Variants in ZBTB48 observed in about 807,000 individuals in gnomAD.
ZBTB48 encodes the protein zinc finger and BTB domain-containing protein 48.
A neutral mutation model predicts 64.5 loss-of-function variants in ZBTB48; 35 were observed. The observed-to-expected ratio is 0.54, with a 90% CI of 0.41 to 0.72. The LOEUF is 0.72. Among genes scored for constraint, ZBTB48 ranks in the 30% least tolerant of loss-of-function variants. The pLI is 0.00. For missense variants in ZBTB48, 828 were observed against 895.3 expected (o/e 0.92, Z 0.96); for synonymous variants, 442 against 356.7 (o/e 1.24, Z -2.70).
chr1:6,581,104 G>C lies in ZBTB48; in HGVS notation c.495G>C (p.Glu165Asp), dbSNP rs762409450. The change falls in exon 2 of 11, where the codon GAG (glutamate) becomes GAC (aspartate). Residue 165 changes from glutamate (E) to aspartate (D), a missense_variant. By Grantham distance (45) the Glu-to-Asp change is conservative. Coordinates refer to ENST00000377674, the MANE Select transcript of ZBTB48 (RefSeq NM_005341.4). ...TGGGTCTAGTCCCCAGGGATCAGGA[G>C]CCCAGAGGCAGTCATAGTCCTCAGA... Reference protein sequence around the residue: ...RTLGLVPRDQEPRGSHSPQRP... With the variant: ...RTLGLVPRDQDPRGSHSPQRP... The C allele has an allele frequency of 2.5e-6, 4 of 1,613,036 alleles. No individual in the cohort carries two copies. The Admixed American group carries it at 6.7e-5, about 27-fold the overall frequency.
chr1:6,588,059 G>A lies in ZBTB48; in HGVS notation c.1380-1G>A. 1 of 1,614,050 alleles carries A rather than the reference G, an allele frequency of 6.2e-7. No homozygotes were observed. The highest frequency in any genetic ancestry group is 8.5e-7 in the Non-Finnish European group (1 of 1,180,020). On this transcript the variant is annotated splice_acceptor_variant, in intron 7 of 10. Transcript: ENST00000377674. LOFTEE classifies it high-confidence loss of function. ...TCTGCCCCATGTCCCCACCTTAACA[G>A]GAATGAGAGGCCACACGTATGTGAG... is the stretch of plus-strand genomic sequence containing the variant.
chr1:6,584,178 T>C lies in ZBTB48; in HGVS notation c.933-1741T>C, dbSNP rs1243905880. Among the ~76,000 whole-genome samples, 1 of 152,172 alleles carries C rather than the reference T, an allele frequency of 6.6e-6. No individual in the cohort carries two copies. Among genetic ancestry groups the C allele is most frequent in the African/African-American group, 2.4e-5 (1 of 41,456 alleles). ...ATCCACCTGCCTTAGCTTCCCAAAGTGCTGGGATTACAGGCGAGAGCCACC... is the reference window on the plus strand; with the variant it reads ...ATCCACCTGCCTTAGCTTCCCAAAGCGCTGGGATTACAGGCGAGAGCCACC... On this transcript the variant is annotated intron_variant, in intron 3 of 10. Coordinates refer to ENST00000377674, the MANE Select transcript of ZBTB48 (RefSeq NM_005341.4). The surrounding 1 kb of genome is among the most constrained non-coding windows in gnomAD (Gnocchi z 4.5).
chr1:6,580,504 T>C lies in ZBTB48; in HGVS notation c.-69-37T>C. On this transcript the variant is annotated intron_variant, in intron 1 of 10. Transcript: ENST00000377674. This position sits in a 1 kb window ranked among gnomAD's most constrained non-coding sequence, Gnocchi z 5.2. ...GTGCTGATAAATATGATTATTTGAG[T>C]AGAGGCCAACTTCCCGTTTCTCTCT... 1 of 1,196,130 alleles carries C rather than the reference T, an allele frequency of 8.4e-7. No homozygotes were observed. The highest frequency in any genetic ancestry group is 1.2e-6 in the Non-Finnish European group (1 of 855,614). 74.1% of individuals were successfully genotyped at this position (1,196,130 alleles called of 1,614,324 possible). A position where few individuals can be genotyped will look rare whatever the true frequency, so the allele number is the denominator to read the frequency against.
intron 5 of ZBTB48, 124 bp downstream of exon 5, chr1:6,586,911 TGCCTTCC>T (rs752070897): frequency 2.7e-5 from 29 of 1,064,098 alleles, no homozygotes; most frequent in Middle Eastern, 2.0e-4. Context: ...CTGCCTTCCC[TGCCTTCC>T]CTGCCTTTCC....
At chr1:6,586,808 A>C (rs769949169) in intron 5 of ZBTB48, 21 bp downstream of exon 5, 15 of 1,604,678 alleles carry the variant, frequency 9.3e-6, no homozygotes, top group Non-Finnish European at 1.3e-5. Flanking sequence ...GCCTGTCTCC[A>C]GGGCCAGGGT....
Position 6,581,245 on chromosome 1 carries a change from G to A in ZBTB48, c.636G>A (p.Val212=). The A allele has an allele frequency of 1.9e-6, 3 of 1,611,968 alleles. No individual in the cohort carries two copies. Among genetic ancestry groups the A allele is most frequent in the Non-Finnish European group, 2.5e-6 (3 of 1,179,616 alleles). The change falls in exon 2 of 11, where the codon GTG becomes GTA. Residue 212 remains valine, a synonymous_variant. Transcript: ENST00000377674. ...ACAAGAAACCCGAGGACTGCAAAGT[G>A]CCCCCAAGGCCCTTAGAGGCTGAAG... ...LEDKKPEDCK[V]PPRPLEAEGA... is the part of the protein sequence containing the mutation.
At chr1:6,586,200 C>T (rs1482499538) in intron 4 of ZBTB48, 170 bp downstream of exon 4, 1 of 697,574 alleles carries the variant, frequency 1.4e-6, no homozygotes, top group Non-Finnish European at 2.5e-6. Context: ...GGTGGGGACA[C>T]AGGTCCTGAG....
Position 6,587,200 on chromosome 1 carries a change from T to A in ZBTB48, c.1138-5T>A. 2 of 1,613,908 alleles carry A rather than the reference T, an allele frequency of 1.2e-6. No homozygotes were observed. The highest frequency in any genetic ancestry group is 1.3e-5 in the African/African-American group (1 of 75,030). On this transcript the variant is annotated splice_polypyrimidine_tract_variant and splice_region_variant and intron_variant, in intron 5 of 10. Transcript: ENST00000377674. ...CCTGGAGGTGACTGTGGGCCTCTTT[T>A]TCAGTGTTCCTCCTGCTCCCAGCAG...
Position 6,587,657 on chromosome 1 carries a change from G to A in ZBTB48, c.1379+25G>A, listed in dbSNP as rs778642154. ...GGTGCGTGTCGCCCGTTCTCTCTTG[G>A]GGCCCAGTCCTGCTGCCAGCCCAGG... On this transcript the variant is annotated intron_variant, in intron 7 of 10. Coordinates refer to ENST00000377674, the MANE Select transcript of ZBTB48 (RefSeq NM_005341.4). The A allele has an allele frequency of 1.1e-5, 17 of 1,610,768 alleles. No individual in the cohort carries two copies. In the South Asian group the frequency reaches 1.9e-4, roughly 18 times the overall value.
intron 4 of ZBTB48, 103 bp downstream of exon 4, chr1:6,586,133 G>A (rs1640658773): frequency 1.7e-6 from 2 of 1,162,396 alleles, no homozygotes; most frequent in Non-Finnish European, 2.6e-6. Context: ...GAGGGGTACT[G>A]TAAACTCAGG....
chr1:6,587,960 G>A (rs1640736938), intron 7 of ZBTB48, 100 bp from the exon 8 acceptor site: 2 of 1,517,230 alleles, frequency 1.3e-6, no homozygotes, highest in Non-Finnish European at 8.9e-7. Context: ...TCCTAGCACT[G>A]CCCAAGCCCT....
intron 3 of ZBTB48, chr1:6,585,154 G>A (rs1281507640): frequency 6.6e-6 from 1 of 152,334 alleles, no homozygotes; most frequent in Admixed American, 6.5e-5. Context: ...CTGAGAAGGT[G>A]AGATTTAAGC....
chr1:6,588,012 G>A lies in ZBTB48; in HGVS notation c.1380-48G>A, dbSNP rs774393906. On this transcript the variant is annotated intron_variant, in intron 7 of 10. Coordinates refer to ENST00000377674, the MANE Select transcript of ZBTB48 (RefSeq NM_005341.4). ...CTCCTAGCTGTAGCAGAGCAAGGGG[G>A]TCACTTCCCTTGGTGATGGCCTCTG... The A allele has an allele frequency of 3.5e-5, 56 of 1,609,668 alleles. No homozygotes were observed. The Admixed American group carries it at 9.4e-4, about 27-fold the overall frequency.
chr1:6,581,352 T>C (rs1640449880), intron 2 of ZBTB48, 53 bp downstream of exon 2: 2 of 1,500,050 alleles, frequency 1.3e-6, no homozygotes, highest in East Asian at 2.3e-5. Flanking sequence ...GAATAGACAC[T>C]TTTTTGGTAT....
rs1324769852 is a variant in ZBTB48 at position 6,589,206 on chromosome 1, C to G, written c.2061C>G (p.Asp687Glu). Residue 687 changes from aspartate (D) to glutamate (E), a missense_variant, in exon 11 of 11, where the codon GAC becomes GAG. Asp to Glu is a conservative substitution (Grantham distance 45). Coordinates refer to ENST00000377674, the MANE Select transcript of ZBTB48 (RefSeq NM_005341.4). ...IITAAVPEDC[D>E]T ...CAGCTGCTGTCCCCGAGGACTGTGACACATAGCCCATTCTGGCCACCAGAG... is the reference window on the plus strand; with the variant it reads ...CAGCTGCTGTCCCCGAGGACTGTGAGACATAGCCCATTCTGGCCACCAGAG... 6.6e-7 allele frequency: 1 copy of G among 1,508,840 alleles called. No homozygotes were observed. The highest frequency in any genetic ancestry group is 1.4e-5 in the African/African-American group (1 of 71,718). The allele number at this position is 1,508,840 out of a possible 1,614,324, so 93.5% of individuals were successfully genotyped here. A position where few individuals can be genotyped will look rare whatever the true frequency, so the allele number is the denominator to read the frequency against.
At chr1:6,587,915 G>A in intron 7 of ZBTB48, 145 bp from the exon 8 acceptor site, 1 of 1,224,962 alleles carries the variant, frequency 8.2e-7, no homozygotes, top group Non-Finnish European at 1.1e-6. Flanking sequence ...CTCATAGATT[G>A]TCCTTCTGCT....
chr1:6,583,600 G>A (rs935786370), intron 3 of ZBTB48, among the ~76,000 whole-genome samples: 10 of 141,166 alleles, frequency 7.1e-5, no homozygotes, highest in Admixed American at 2.9e-4. Context: ...CGCCCAGCCT[G>A]TTATTTTTTT....
At chr1:6,586,311 C>T in intron 4 of ZBTB48, 1 of 518,786 alleles carries the variant, frequency 1.9e-6, no homozygotes, top group African/African-American at 1.9e-5. Flanking sequence ...AGAAGGGGAG[C>T]CGCTACAGGG....
chr1:6,582,005 C>T, intron 2 of ZBTB48, 53 bp from the exon 3 acceptor site: 1 of 1,602,374 alleles, frequency 6.2e-7, no homozygotes, highest in Non-Finnish European at 8.5e-7. Flanking sequence ...CCCTACAACT[C>T]CTGCTGATTC....
Sources: allele counts gnomAD v4.1 joint callset (sites outside exome capture counted in the v4.1 genomes callset), GRCh38; gene constraint gnomAD v4.1.1; non-coding constraint Gnocchi (gnomAD v3.1); transcripts MANE v1.5; gene names NCBI Gene and HGNC (gene_info 2026-07-23, HGNC 2026-07-21).